Variants in CAMKMT observed in about 807,000 individuals in gnomAD.
CAMKMT encodes CaM KMT.
In CAMKMT, 53 loss-of-function variants were observed where a neutral mutation model predicts 48.0. The observed-to-expected ratio is 1.10, with a 90% confidence interval of 0.89 to 1.39. The LOEUF is 1.39. Among genes scored for constraint, CAMKMT ranks in the 40% most tolerant of loss-of-function variants. The pLI, the probability that CAMKMT is intolerant of heterozygous loss-of-function variation, is 0.00. For synonymous variants in CAMKMT, 165 were observed against 152.3 expected (o/e 1.08, Z -0.61); for missense variants, 428 against 402.7 (o/e 1.06, Z -0.54).
At position 44,643,917 on chromosome 2, in the gene CAMKMT, A is replaced by C. The variant is rs79213316; in HGVS notation, c.377-60366A>C. Among the ~76,000 whole-genome samples, 485 of 152,282 alleles carry C rather than the reference A, an allele frequency of 3.2e-3. 2 individuals are homozygous for C. The highest frequency in any genetic ancestry group is 0.011 in the African/African-American group (457 of 41,558). On this transcript the variant is annotated intron_variant, in intron 3 of 10. Transcript: ENST00000378494. ...ACAGACTAATTAGAGTTAGCGACAA[A>C]CTGTTGAGATGGTGGTATTGATGAA...
chr2:44,519,264 C>T (rs952233961), intron 3 of CAMKMT, among the ~76,000 whole-genome samples: 2 of 152,066 alleles, frequency 1.3e-5, no homozygotes, highest in Non-Finnish European at 2.9e-5. Flanking sequence ...GAACTTTTTC[C>T]CTCTATACAT....
At chr2:44,436,242 A>T (rs1002553608) in intron 3 of CAMKMT, among the ~76,000 whole-genome samples, 6 of 151,882 alleles carry the variant, frequency 4.0e-5, no homozygotes, top group Non-Finnish European at 7.4e-5. Context: ...TGCCCAGCAA[A>T]TTTTTTTGTA....
chr2:44,472,119 G>T (rs983645134), intron 3 of CAMKMT, among the ~76,000 whole-genome samples: 12 of 152,148 alleles, frequency 7.9e-5, no homozygotes, highest in African/African-American at 2.4e-4. Context: ...TGCCCCGGCT[G>T]GAGTGCAGTG....
chr2:44,446,735 T>G lies in CAMKMT; in HGVS notation c.376+56430T>G, dbSNP rs367559495. On this transcript the variant is annotated intron_variant, in intron 3 of 10. Transcript: ENST00000378494. ...TTCCACCACACTGTATACCTTGTTG[T>G]GCTGCCACAGGGTTTGTGGTGTCAA... 2.1e-3 allele frequency among the ~76,000 whole-genome samples: 318 copies of G among 152,344 alleles called. 2 individuals are homozygous for G. The highest frequency in any genetic ancestry group is 0.017 in the Middle Eastern group (5 of 294).
At chr2:44,465,932 CAAAGAAGGACATTATATA>C (rs1301489968) in intron 3 of CAMKMT, among the ~76,000 whole-genome samples, 2 of 151,966 alleles carry the variant, frequency 1.3e-5, no homozygotes, top group Non-Finnish European at 2.9e-5. Context: ...TCACAAGAGA[CAAAGAAGGACATTATATA>C]ATGATAAAAG....
chr2:44,482,417 T>G (rs1669019366), intron 3 of CAMKMT, among the ~76,000 whole-genome samples: 1 of 152,182 alleles, frequency 6.6e-6, no homozygotes, highest in Non-Finnish European at 1.5e-5. Context: ...TGATTATCAT[T>G]GTGAGCATCT....
chr2:44,541,508 T>C (rs1037505), intron 3 of CAMKMT, among the ~76,000 whole-genome samples: 89,983 of 152,018 alleles, frequency 0.59, 27,638 homozygotes, highest in South Asian at 0.69. Flanking sequence ...AGGCTATCAG[T>C]TTCTGAATAT....
chr2:44,437,138 C>G (rs756768717), intron 3 of CAMKMT, among the ~76,000 whole-genome samples: 22 of 152,088 alleles, frequency 1.4e-4, no homozygotes, highest in African/African-American at 3.6e-4. Flanking sequence ...TACCCACCCC[C>G]CAACAGTATA....
intron 3 of CAMKMT, among the ~76,000 whole-genome samples, chr2:44,661,105 T>G (rs1168930052): frequency 1.3e-5 from 2 of 152,182 alleles, no homozygotes; most frequent in Non-Finnish European, 2.9e-5. Context: ...TTGTATCATC[T>G]TTATACCATT....
chr2:44,406,710 C>T (rs1003792207), intron 3 of CAMKMT, among the ~76,000 whole-genome samples: 4 of 152,188 alleles, frequency 2.6e-5, no homozygotes, highest in African/African-American at 7.2e-5. Context: ...GATCCTCCCA[C>T]CTCAGCCTCC....
At chr2:44,608,649 ATCTC>A (rs1241528631) in intron 3 of CAMKMT, among the ~76,000 whole-genome samples, 1 of 151,834 alleles carries the variant, frequency 6.6e-6, no homozygotes. Flanking sequence ...CCTCTTGATT[ATCTC>A]TCTCTCTTTC....
At chr2:44,401,515 T>A (rs2104447740) in intron 3 of CAMKMT, among the ~76,000 whole-genome samples, 1 of 151,730 alleles carries the variant, frequency 6.6e-6, no homozygotes, top group African/African-American at 2.4e-5. Flanking sequence ...TGAGATTGTG[T>A]CACTGCACTC....
intron 3 of CAMKMT, among the ~76,000 whole-genome samples, chr2:44,413,029 T>G (rs1273861462): frequency 6.6e-5 from 10 of 151,632 alleles, no homozygotes; most frequent in Admixed American, 6.6e-4. Flanking sequence ...GGAGCTGAGA[T>G]TGTGCCACCA....
intron 3 of CAMKMT, among the ~76,000 whole-genome samples, chr2:44,631,265 G>A (rs1354150675): frequency 6.6e-6 from 1 of 152,116 alleles, no homozygotes; most frequent in East Asian, 1.9e-4. Flanking sequence ...GGGTAAGGGG[G>A]AGGGATAGCA....
At chr2:44,574,599 A>T (rs1290129903) in intron 3 of CAMKMT, among the ~76,000 whole-genome samples, 1 of 148,920 alleles carries the variant, frequency 6.7e-6, no homozygotes, top group African/African-American at 2.5e-5. Context: ...AGTATCAAGA[A>T]TACAGGGGGA....
chr2:44,760,752 T>A (rs1680584947), intron 9 of CAMKMT, among the ~76,000 whole-genome samples: 1 of 152,150 alleles, frequency 6.6e-6, no homozygotes, highest in South Asian at 2.1e-4. Flanking sequence ...AAGATCACTC[T>A]GCCCATAGCA....
intron 3 of CAMKMT, among the ~76,000 whole-genome samples, chr2:44,587,523 C>T (rs537913576): frequency 1.2e-4 from 17 of 145,382 alleles, no homozygotes; most frequent in African/African-American, 3.8e-4. Context: ...CCTCTGATGC[C>T]GAGCCAAAGC....
intron 2 of CAMKMT, among the ~76,000 whole-genome samples, chr2:44,387,794 A>G (rs911233702): frequency 3.2e-4 from 48 of 152,202 alleles, no homozygotes; most frequent in African/African-American, 1.2e-3. Context: ...GCCTACTTAT[A>G]TGATGCCTTG....
At chr2:44,418,751 A>T (rs1683736031) in intron 3 of CAMKMT, among the ~76,000 whole-genome samples, 1 of 152,186 alleles carries the variant, frequency 6.6e-6, no homozygotes, top group African/African-American at 2.4e-5. Context: ...TACAAATTTT[A>T]GGCTAAACTT....
Sources: allele counts gnomAD v4.1 joint callset (sites outside exome capture counted in the v4.1 genomes callset), GRCh38; gene constraint gnomAD v4.1.1; transcripts MANE v1.5; gene names NCBI Gene and HGNC (gene_info 2026-07-23, HGNC 2026-07-21).